The following SYNE1 variants were observed in gnomAD, a reference collection of about 807,000 sequenced individuals.
SYNE1 encodes spectrin repeat containing nuclear envelope protein 1.
SYNE1 carries 616 observed loss-of-function variants against 1,111.0 expected under a neutral mutation model. That is an observed-to-expected ratio of 0.55 (90% CI 0.52 to 0.59). The LOEUF (loss-of-function observed/expected upper bound fraction) is 0.59, where lower values mean the gene tolerates loss of function less well. Ranked by LOEUF, SYNE1 falls within the 20% of genes least tolerant of loss-of-function variation. SYNE1 has a pLI of 0.00. For synonymous variants in SYNE1, 3,855 were observed against 3,825.8 expected (o/e 1.01, Z -0.28); for missense variants, 10,006 against 10,417.0 (o/e 0.96, Z 1.72).
At chr6:152,497,989 A>G (rs1362437414) in intron 11 of SYNE1, among the ~76,000 whole-genome samples, 1 of 152,074 alleles carries the variant, frequency 6.6e-6, no homozygotes, top group African/African-American at 2.4e-5. Flanking sequence ...CATAAGTCAC[A>G]TTTACATTTG....
chr6:152,152,928 T>A (rs2060706416), intron 133 of SYNE1, among the ~76,000 whole-genome samples: 1 of 152,142 alleles, frequency 6.6e-6, no homozygotes, highest in Non-Finnish European at 1.5e-5. Flanking sequence ...CTTTTCTGCC[T>A]TTTCCCTCCA....
chr6:152,159,989 CA>C (rs2062126509), intron 131 of SYNE1, among the ~76,000 whole-genome samples: 2 of 151,972 alleles, frequency 1.3e-5, no homozygotes, highest in Non-Finnish European at 2.9e-5. Context: ...ATTTGAGGAA[CA>C]AAATATACTA....
At chr6:152,467,555 G>T (rs1306266816) in intron 16 of SYNE1, among the ~76,000 whole-genome samples, 1 of 152,086 alleles carries the variant, frequency 6.6e-6, no homozygotes, top group East Asian at 1.9e-4. Context: ...AAAGAAATGG[G>T]AAATAGTGCA....
At chr6:152,278,467 T>G (rs1161012579) in intron 97 of SYNE1, among the ~76,000 whole-genome samples, 187 bp from the exon 98 acceptor site, 1 of 152,004 alleles carries the variant, frequency 6.6e-6, no homozygotes, top group East Asian at 1.9e-4. Flanking sequence ...TTTTTTAATT[T>G]ATTTTTATTT....
chr6:152,133,349 T>C lies in SYNE1; in HGVS notation c.25928A>G (p.Lys8643Arg), dbSNP rs1311607461. 5.0e-6 allele frequency: 8 copies of C among 1,614,086 alleles called. No homozygotes were observed. The highest frequency in any genetic ancestry group is 1.3e-5 in the African/African-American group (1 of 74,932). The change falls in exon 143 of 146, where the codon AAA (lysine) becomes AGA (arginine). Residue 8643 changes from lysine to arginine, a missense_variant. Physicochemically the swap from Lys to Arg is conservative, Grantham distance 26. Transcript: ENST00000367255. ...EKVHVIGNRLKLLLKEVSRHI... is the reference protein window; with the variant it reads ...EKVHVIGNRLRLLLKEVSRHI... ...ACGACTGACCTCCTTCAAGAGAAGT[T>C]TGAGCCGATTTCCAATAACATGGAC...
In SYNE1 at chr6:152,370,840, G is replaced by A. The variant is rs77168498; in HGVS notation, c.9508-1226C>T. ...GTTCCACCTGTATCTGGTCTGGGTCGTCTACAATATGGGGAAAATCACATC... is the reference window on the plus strand; with the variant it reads ...GTTCCACCTGTATCTGGTCTGGGTCATCTACAATATGGGGAAAATCACATC... On this transcript the variant is annotated intron_variant, in intron 59 of 145. Transcript: ENST00000367255. 6.4e-4 allele frequency among the ~76,000 whole-genome samples: 97 copies of A among 152,296 alleles called. 2 individuals are homozygous for A. In the East Asian group the frequency reaches 0.017, roughly 26 times the overall value.
rs112087400 is a variant in SYNE1 at position 152,331,475 on chromosome 6, G to C, written c.13210C>G (p.Leu4404Val). The change falls in exon 78 of 146, where the codon CTT (leucine) becomes GTT (valine). Residue 4404 changes from leucine (L) to valine (V), a missense_variant. Transcript: ENST00000367255. ...LEAKQMLLKS[L>V]IKDADRVMAD... is the part of the protein sequence containing the mutation. The stretch of plus-strand genomic sequence containing the variant: ...ATGACCCTGTCTGCGTCCTTTATAA[G>C]CGATTTCAGGAGCATCTGCTTGGCC... The C allele has an allele frequency of 6.2e-7, 1 of 1,614,072 alleles. No homozygotes were observed. The highest frequency in any genetic ancestry group is 1.3e-5 in the African/African-American group (1 of 75,016).
intron 3 of SYNE1, among the ~76,000 whole-genome samples, chr6:152,592,899 G>A (rs899577492): frequency 3.3e-5 from 5 of 152,160 alleles, no homozygotes; most frequent in African/African-American, 1.2e-4. Flanking sequence ...GTGAGTGTGG[G>A]TGTGGGTGTG....
intron 84 of SYNE1, chr6:152,320,078 T>A (rs939506251): frequency 3.3e-5 from 5 of 152,130 alleles, no homozygotes. Flanking sequence ...GCACGAGAAC[T>A]GCTTAAACCC....
chr6:152,617,432 C>T (rs907926452), intron 3 of SYNE1, among the ~76,000 whole-genome samples: 5 of 152,226 alleles, frequency 3.3e-5, no homozygotes, highest in African/African-American at 1.2e-4. Context: ...ATGTCACTCT[C>T]ATAGACCACA....
At chr6:152,382,222 G>A (rs2097431148) in intron 55 of SYNE1, among the ~76,000 whole-genome samples, 1 of 152,046 alleles carries the variant, frequency 6.6e-6, no homozygotes, top group South Asian at 2.1e-4. Context: ...ATTGCTAAAG[G>A]CAGGATTTTG....
At chr6:152,523,342 T>C (rs1222666086) in intron 5 of SYNE1, among the ~76,000 whole-genome samples, 1 of 152,172 alleles carries the variant, frequency 6.6e-6, no homozygotes, top group African/African-American at 2.4e-5. Flanking sequence ...TTTGAATGCT[T>C]TGTCAAAGAT....
chr6:152,255,240 A>G (rs2090526152), intron 103 of SYNE1, 151 bp from the exon 104 acceptor site: 2 of 750,848 alleles, frequency 2.7e-6, no homozygotes, highest in Non-Finnish European at 4.4e-6. Flanking sequence ...AAATACTTCT[A>G]TACATTTCAG....
chr6:152,279,956 A>G (rs1227955116), intron 97 of SYNE1, among the ~76,000 whole-genome samples: 1 of 152,168 alleles, frequency 6.6e-6, no homozygotes, highest in Non-Finnish European at 1.5e-5. Flanking sequence ...TTTAAAATCA[A>G]AAGAAAAAAA....
intron 73 of SYNE1, among the ~76,000 whole-genome samples, chr6:152,346,068 C>A (rs186539838): frequency 1.3e-5 from 2 of 152,262 alleles, no homozygotes; most frequent in East Asian, 1.9e-4. Flanking sequence ...AAGTATTGAT[C>A]GTGTGCAAAG....
rs1295325477 is a variant in SYNE1, at chr6:152,458,910, T to C, written c.2415A>G (p.Pro805=). ...QLTKVKECYS[P]LLYESQQLLI... is the part of the protein sequence containing the mutation. Reference sequence around the variant, plus strand: ...ACAGCTGCTGAGACTCATAAAGGAGTGGGGAGTAACATTCTTTGACCTTTA... The same window carrying C: ...ACAGCTGCTGAGACTCATAAAGGAGCGGGGAGTAACATTCTTTGACCTTTA... The change falls in exon 22 of 146, where the codon CCA becomes CCG. Residue 805 remains proline, a synonymous_variant. Coordinates refer to ENST00000367255, the MANE Select transcript of SYNE1 (RefSeq NM_182961.4). The C allele has an allele frequency of 1.2e-6, 2 of 1,613,476 alleles. No individual in the cohort carries two copies. Among genetic ancestry groups the C allele is most frequent in the South Asian group, 1.1e-5 (1 of 91,026 alleles).
At chr6:152,487,165 GC>G (rs911771494) in intron 12 of SYNE1, among the ~76,000 whole-genome samples, 1 of 152,092 alleles carries the variant, frequency 6.6e-6, no homozygotes, top group African/African-American at 2.4e-5. Flanking sequence ...TAGGTACTAA[GC>G]CCAGCATCCA....
At chr6:152,355,105 C>T (rs2096811863) in intron 66 of SYNE1, 129 bp from the exon 67 acceptor site, 4 of 998,778 alleles carry the variant, frequency 4.0e-6, no homozygotes, top group Non-Finnish European at 6.0e-6. Context: ...ATTATTATGC[C>T]CTATACAAAA....
chr6:152,213,715 T>C lies in SYNE1; in HGVS notation c.22391A>G (p.Lys7464Arg), dbSNP rs1488647721. 6.2e-7 allele frequency: 1 copy of C among 1,614,000 alleles called. No individual in the cohort carries two copies. The highest frequency in any genetic ancestry group is 8.5e-7 in the Non-Finnish European group (1 of 1,180,014). Residue 7464 changes from lysine (K) to arginine (R), a missense_variant, in exon 123 of 146, where the codon AAA becomes AGA. Around this residue, in one of 7 missense-constraint regions of SYNE1, gnomAD observed 2,182 missense variants for 2,287.8 expected, o/e 0.95. Transcript: ENST00000367255. ...TAGGAATTCCATCCATGTTTCACATTTTTCCAAGAAAGTCTGATGTTGTAG... is the reference window on the plus strand; with the variant it reads ...TAGGAATTCCATCCATGTTTCACATCTTTCCAAGAAAGTCTGATGTTGTAG... Reference protein sequence around the residue: ...FLLQHQTFLEKCETWMEFLVQ... With the variant: ...FLLQHQTFLERCETWMEFLVQ...
Sources: allele counts gnomAD v4.1 joint callset (sites outside exome capture counted in the v4.1 genomes callset), GRCh38; gene constraint gnomAD v4.1.1; regional missense constraint gnomAD v4.1.1; transcripts MANE v1.5; gene names NCBI Gene and HGNC (gene_info 2026-07-23, HGNC 2026-07-21).